The following PREX1 variants were observed in gnomAD, a reference collection of about 807,000 sequenced individuals.
The protein encoded by PREX1 is phosphatidylinositol-3,4,5-trisphosphate dependent Rac exchange factor 1, also known as phosphatidylinositol 3,4,5-trisphosphate-dependent Rac exchanger 1 protein.
PREX1 carries 41 observed loss-of-function variants against 198.3 expected under a neutral mutation model. The observed-to-expected ratio is 0.21, with a 90% CI of 0.16 to 0.27. The LOEUF is 0.27. PREX1 is among the 10% of genes least tolerant of loss of function. PREX1 has a pLI of 1.00. For missense variants in PREX1, 1,620 were observed against 2,200.7 expected, an observed-to-expected ratio of 0.74 and a Z score of 5.28; for synonymous variants, 843 against 887.2, an observed-to-expected ratio of 0.95 and a Z score of 0.89.
chr20:48,874,053 C>T, the PREX1 span, among the ~76,000 whole-genome samples: 5 of 152,050 alleles, frequency 3.3e-5, no homozygotes, highest in African/African-American at 9.7e-5. Context: ...AGGTCAGAAA[C>T]GTTTACTTAA....
intron 37 of PREX1, 39 bp from the exon 38 acceptor site, chr20:48,628,002 GGGACAGGGGTCGGGGGA>G: frequency 8.1e-7 from 1 of 1,240,782 alleles, no homozygotes; most frequent in Non-Finnish European, 1.2e-6. Context: ...TGGCGGTGGG[GGGACAGGGGTCGGGGGA>G]GGACAGCGGG....
chr20:48,772,957 A>C (rs2090243579), intron 1 of PREX1, among the ~76,000 whole-genome samples: 1 of 152,226 alleles, frequency 6.6e-6, no homozygotes, highest in Non-Finnish European at 1.5e-5. Flanking sequence ...ACCAGCACAC[A>C]GTAGGTGCTC....
upstream of PREX1, among the ~76,000 whole-genome samples, chr20:48,829,997 G>T (rs2090533703): frequency 6.6e-6 from 1 of 152,140 alleles, no homozygotes; most frequent in Non-Finnish European, 1.5e-5. Context: ...CGTGTCCTGT[G>T]CATTTCAGGA....
At chr20:48,632,413 G>A in intron 34 of PREX1, 22 bp from the exon 35 acceptor site, 1 of 1,613,210 alleles carries the variant, frequency 6.2e-7, no homozygotes, top group Non-Finnish European at 8.5e-7. Context: ...GATGTCGGGG[G>A]CGGGCAGGCG....
the PREX1 span, among the ~76,000 whole-genome samples, chr20:48,868,304 T>C: frequency 6.6e-6 from 1 of 152,084 alleles, no homozygotes; most frequent in Non-Finnish European, 1.5e-5. Context: ...CTACATCATC[T>C]ATACAGGAAA....
rs1197315924 is a variant in PREX1 at position 48,827,810 on chromosome 20, G to C, written c.51C>G (p.Cys17Trp). The C allele has an allele frequency of 6.8e-6, 7 of 1,029,556 alleles. No individual in the cohort carries two copies. Among genetic ancestry groups the C allele is most frequent in the Non-Finnish European group, 8.2e-6 (7 of 856,586 alleles). 63.8% of individuals were successfully genotyped at this position (1,029,556 alleles called of 1,614,324 possible). The part of the protein sequence containing the change: ...SEPGGDGAGD[C>W]AHPDPRAPGA... The stretch of plus-strand genomic sequence containing the variant: ...CAGGGGCCCGGGGGTCCGGGTGGGC[G>C]CAGTCCCCGGCCCCGTCGCCGCCGG... Residue 17 changes from cysteine (C) to tryptophan (W), a missense_variant, in exon 1 of 40, where the codon TGC becomes TGG. This residue lies in a region of PREX1 where 96 missense variants were observed against 98.7 expected (regional missense o/e 0.97). Transcript: ENST00000371941. The surrounding 1 kb of genome is among the most constrained non-coding windows in gnomAD (Gnocchi z 4.1).
intron 1 of PREX1, among the ~76,000 whole-genome samples, chr20:48,811,765 G>GA (rs1199605980): frequency 7.2e-6 from 1 of 139,012 alleles, no homozygotes; most frequent in African/African-American, 2.7e-5. Context: ...TGAAGTCAAA[G>GA]AATCTGAAAG....
At chr20:48,840,693 G>A in the PREX1 span, among the ~76,000 whole-genome samples, 2 of 152,348 alleles carry the variant, frequency 1.3e-5, no homozygotes, top group East Asian at 3.9e-4. Context: ...CCCACAGAGT[G>A]CTTTGGGCAT....
chr20:48,868,123 T>C, the PREX1 span, among the ~76,000 whole-genome samples: 1 of 152,132 alleles, frequency 6.6e-6, no homozygotes, highest in South Asian at 2.1e-4. Context: ...CTTCTTATAC[T>C]CCTGTCTAAG....
rs1342463414 is a variant in PREX1 at position 48,624,342 on chromosome 20, C to T, written c.*1543G>A. On this transcript the variant is annotated 3_prime_UTR_variant, in exon 40 of 40. Transcript: ENST00000371941. The stretch of plus-strand genomic sequence containing the variant: ...GTACATTTTAAAGTAAACCAGTGCA[C>T]AATGCGCTGGCCCTGGGCCCTCCCC... The T allele has an allele frequency of 1.3e-5, 2 of 152,686 alleles. No individual in the cohort carries two copies. The highest frequency in any genetic ancestry group is 4.8e-5 in the African/African-American group (2 of 41,456). 9.5% of individuals were successfully genotyped at this position (152,686 alleles called of 1,614,324 possible). A position where few individuals can be genotyped will look rare whatever the true frequency, so the allele number is the denominator to read the frequency against.
intron 14 of PREX1, among the ~76,000 whole-genome samples, chr20:48,670,820 C>G (rs1217263271): frequency 1.3e-5 from 2 of 152,152 alleles, no homozygotes; most frequent in Admixed American, 6.5e-5. Flanking sequence ...TCAGGACAAC[C>G]CCTGCCACAC....
At chr20:48,829,309 T>C (rs1236895923), upstream of PREX1, among the ~76,000 whole-genome samples, 1 of 152,212 alleles carries the variant, frequency 6.6e-6, no homozygotes, top group Admixed American at 6.5e-5. Flanking sequence ...CTGCAGGGGA[T>C]AAAGTGATCC....
At chr20:48,657,220 C>T in intron 17 of PREX1, 32 bp from the exon 18 acceptor site, 6 of 1,608,774 alleles carry the variant, frequency 3.7e-6, no homozygotes, top group Non-Finnish European at 4.3e-6. Context: ...CAGACGTGCA[C>T]ACCAGTTACT....
intron 1 of PREX1, among the ~76,000 whole-genome samples, chr20:48,760,435 C>T (rs1316692610): frequency 2.0e-5 from 3 of 152,088 alleles, no homozygotes; most frequent in Admixed American, 2.0e-4. Context: ...CTCATCACCA[C>T]CAGCGCACCC....
intron 15 of PREX1, among the ~76,000 whole-genome samples, chr20:48,662,748 GCCCTTTC>G (rs2089606550): frequency 1.3e-5 from 2 of 152,180 alleles, no homozygotes; most frequent in African/African-American, 4.8e-5. Context: ...CCTGGAATTG[GCCCTTTC>G]CTATTTTAGC....
At chr20:48,653,280 C>T in intron 20 of PREX1, 81 bp downstream of exon 20, 2 of 1,555,598 alleles carry the variant, frequency 1.3e-6, no homozygotes, top group Non-Finnish European at 1.7e-6. Flanking sequence ...GCAGGCTTTT[C>T]TCTAAAGAGA....
chr20:48,722,964 G>A (rs2089992681), intron 5 of PREX1, among the ~76,000 whole-genome samples: 1 of 152,226 alleles, frequency 6.6e-6, no homozygotes, highest in Non-Finnish European at 1.5e-5. Context: ...CCAGCCAGCT[G>A]TGCACCAGGG....
At chr20:48,838,508 C>G in the PREX1 span, among the ~76,000 whole-genome samples, 12 of 151,908 alleles carry the variant, frequency 7.9e-5, no homozygotes, top group African/African-American at 2.7e-4. Flanking sequence ...TAAGTAAATA[C>G]TTAAATATAG....
chr20:48,872,005 A>C, the PREX1 span, among the ~76,000 whole-genome samples: 1 of 151,788 alleles, frequency 6.6e-6, no homozygotes, highest in Non-Finnish European at 1.5e-5. Flanking sequence ...TAAAAATACA[A>C]AAAACTAGCC....
Sources: gnomAD v4.1 joint callset for allele counts (sites outside exome capture counted in the v4.1 genomes callset) on GRCh38, gnomAD v4.1.1 for gene constraint, gnomAD v4.1.1 regional missense constraint, Gnocchi (gnomAD v3.1) non-coding constraint, MANE v1.5 for transcripts, NCBI Gene and HGNC (gene_info 2026-07-23, HGNC 2026-07-21) for gene names.